MBOAT1: variants seen among roughly 807,000 people sequenced by gnomAD.
MBOAT1 encodes the protein membrane bound glycerophospholipid O-acyltransferase 1.
In MBOAT1, 67 loss-of-function variants were observed where a neutral mutation model predicts 64.4. That is an observed-to-expected ratio of 1.04 (90% CI 0.85 to 1.27). The LOEUF (loss-of-function observed/expected upper bound fraction) is 1.27. MBOAT1 is among the 50% of genes most tolerant of loss of function. The probability of loss-of-function intolerance (pLI) is 0.00; values close to 1 mark genes in which losing one functional copy is unlikely to be tolerated. For missense variants in MBOAT1, 563 were observed against 604.6 expected, an observed-to-expected ratio of 0.93 and a Z score of 0.72; for synonymous variants, 229 against 218.9, an observed-to-expected ratio of 1.05 and a Z score of -0.41.
intron 1 of MBOAT1, among the ~76,000 whole-genome samples, chr6:20,170,366 A>T (rs1276060515): frequency 6.6e-6 from 1 of 152,112 alleles, no homozygotes; most frequent in Admixed American, 6.5e-5. Flanking sequence ...CTCTGTCCTT[A>T]ACAGTTCATC....
intron 8 of MBOAT1, among the ~76,000 whole-genome samples, chr6:20,122,697 TG>T (rs1760528201): frequency 6.6e-6 from 1 of 152,248 alleles, no homozygotes; most frequent in South Asian, 2.1e-4. Context: ...AGTTTCTGTT[TG>T]GGTGATGAAA....
At chr6:20,168,757 G>C (rs951455810) in intron 1 of MBOAT1, among the ~76,000 whole-genome samples, 2 of 112,076 alleles carry the variant, frequency 1.8e-5, no homozygotes, top group African/African-American at 6.8e-5. Context: ...GAGGAAGGAA[G>C]GGAGGGAGGG....
At chr6:20,185,124 C>A (rs1024333089) in intron 1 of MBOAT1, among the ~76,000 whole-genome samples, 1 of 151,988 alleles carries the variant, frequency 6.6e-6, no homozygotes, top group African/African-American at 2.4e-5. Flanking sequence ...GTGACACATG[C>A]CTCAAGTATC....
chr6:20,190,112 A>G (rs1762763929), intron 1 of MBOAT1, among the ~76,000 whole-genome samples: 1 of 151,934 alleles, frequency 6.6e-6, no homozygotes, highest in Admixed American at 6.6e-5. Flanking sequence ...CTCCTGCCTC[A>G]GCCTCCCAAG....
In MBOAT1 at chr6:20,115,337, T is replaced by G. The variant is rs1414655764; in HGVS notation, c.1027A>C (p.Lys343Gln). 1.9e-6 allele frequency: 3 copies of G among 1,613,980 alleles called. No homozygotes were observed. The highest frequency in any genetic ancestry group is 1.7e-4 in the Middle Eastern group (1 of 6,060). The part of the protein sequence containing the change: ...IWKIETATSF[K>Q]MYLENWNIQT... Reference sequence around the variant, plus strand: ...ATATTCCAGTTTTCCAAGTACATTTTGAAACTTGTGGCAGTCTGGAAAGAA... The same window carrying G: ...ATATTCCAGTTTTCCAAGTACATTTGGAAACTTGTGGCAGTCTGGAAAGAA... The change falls in exon 10 of 13, where the codon AAA (lysine) becomes CAA (glutamine). Residue 343 changes from lysine (K) to glutamine (Q), a missense_variant. Lys to Gln is a moderately conservative substitution (Grantham distance 53). Transcript: ENST00000324607.
intron 1 of MBOAT1, among the ~76,000 whole-genome samples, chr6:20,173,825 C>A (rs894908024): frequency 6.6e-6 from 1 of 152,170 alleles, no homozygotes; most frequent in Non-Finnish European, 1.5e-5. Flanking sequence ...GTGGCAGGTG[C>A]CTGCAATCCC....
chr6:20,130,508 C>T (rs1466689667), intron 5 of MBOAT1, among the ~76,000 whole-genome samples: 1 of 152,042 alleles, frequency 6.6e-6, no homozygotes, highest in Non-Finnish European at 1.5e-5. Context: ...CATGTGCCAC[C>T]ACGCCTAGCT....
intron 1 of MBOAT1, among the ~76,000 whole-genome samples, chr6:20,206,498 A>G (rs1763270228): frequency 6.6e-6 from 1 of 151,850 alleles, no homozygotes; most frequent in Non-Finnish European, 1.5e-5. Context: ...TCCTTCCACT[A>G]TCCTCATAGG....
rs748170285 is a variant in MBOAT1, at chr6:20,102,311, G to C, written c.1463C>G (p.Ser488Cys). 3.7e-6 allele frequency: 6 copies of C among 1,613,888 alleles called. No individual in the cohort carries two copies. The highest frequency in any genetic ancestry group is 5.1e-6 in the Non-Finnish European group (6 of 1,179,914). The stretch of plus-strand genomic sequence containing the variant: ...TCAATCTGTTTTTCTCTTATTAATA[G>C]AGTTCAGAGTCTGAGGCCGCCTTTG... ...HTQRRPQTLN[S>C]INKRKTD The change falls in exon 13 of 13, where the codon TCT becomes TGT. Residue 488 changes from serine to cysteine, a missense_variant. Ser to Cys is a moderately radical substitution (Grantham distance 112). Transcript: ENST00000324607.
rs371519234 is a variant in MBOAT1 at position 20,128,660 on chromosome 6, T to A, written c.530+39A>T. Reference sequence around the variant, plus strand: ...TGAGGAAAATCTCTAGATACTGATATGCAAAGGGCTTGTTAATATATCGTT... The same window carrying A: ...TGAGGAAAATCTCTAGATACTGATAAGCAAAGGGCTTGTTAATATATCGTT... On this transcript the variant is annotated intron_variant, in intron 6 of 12. Transcript: ENST00000324607. 5.3e-6 allele frequency: 8 copies of A among 1,502,754 alleles called. No individual in the cohort carries two copies. The South Asian group carries it at 9.8e-5, about 18-fold the overall frequency. 93.1% of individuals were successfully genotyped at this position (1,502,754 alleles called of 1,614,324 possible). A position where few individuals can be genotyped will look rare whatever the true frequency, so the allele number is the denominator to read the frequency against.
intron 1 of MBOAT1, among the ~76,000 whole-genome samples, chr6:20,189,708 T>G (rs527243126): frequency 2.0e-5 from 3 of 152,220 alleles, no homozygotes; most frequent in Non-Finnish European, 4.4e-5. Flanking sequence ...CCCTAGCTCC[T>G]GGTAACCATC....
At chr6:20,192,766 A>T (rs765148810) in intron 1 of MBOAT1, among the ~76,000 whole-genome samples, 5 of 152,094 alleles carry the variant, frequency 3.3e-5, no homozygotes, top group Non-Finnish European at 7.4e-5. Context: ...CATTTTGCAG[A>T]TAAGGAATCA....
At chr6:20,106,246 A>G (rs1329178004) in intron 12 of MBOAT1, among the ~76,000 whole-genome samples, 1 of 152,236 alleles carries the variant, frequency 6.6e-6, no homozygotes, top group Non-Finnish European at 1.5e-5. Context: ...GGTGTAATCA[A>G]TCTGGAATAG....
chr6:20,174,326 C>T (rs1456972848), intron 1 of MBOAT1, among the ~76,000 whole-genome samples: 1 of 152,322 alleles, frequency 6.6e-6, no homozygotes, highest in Admixed American at 6.5e-5. Flanking sequence ...CTTAAATCAA[C>T]CTAGATGGTG....
intron 12 of MBOAT1, among the ~76,000 whole-genome samples, chr6:20,103,311 CA>C (rs1759854708): frequency 6.6e-6 from 1 of 151,702 alleles, no homozygotes; most frequent in South Asian, 2.1e-4. Flanking sequence ...TAATTTTTAA[CA>C]AAAAAGGTTT....
intron 5 of MBOAT1, among the ~76,000 whole-genome samples, chr6:20,130,574 C>T (rs994087835): frequency 1.3e-5 from 2 of 151,996 alleles, no homozygotes; most frequent in African/African-American, 4.8e-5. Flanking sequence ...AGGCTGATCT[C>T]GAACTACTGA....
At chr6:20,150,562 C>CT (rs537125848) in intron 3 of MBOAT1, among the ~76,000 whole-genome samples, 2,926 of 134,800 alleles carry the variant, frequency 0.022, 48 homozygotes, top group African/African-American at 0.047. Flanking sequence ...TTTCTTTTTC[C>CT]TTTTTTTTTT....
intron 1 of MBOAT1, among the ~76,000 whole-genome samples, chr6:20,164,174 T>TACACACACAC (rs35199956): frequency 6.8e-6 from 1 of 147,554 alleles, no homozygotes; most frequent in African/African-American, 2.5e-5. Flanking sequence ...TATGTGCATG[T>TACACACACAC]ACACACACAC....
chr6:20,193,959 A>C (rs1762880317), intron 1 of MBOAT1, among the ~76,000 whole-genome samples: 1 of 152,190 alleles, frequency 6.6e-6, no homozygotes. Context: ...GATTTGAATA[A>C]AGCTAAATTT....
Sources: allele counts gnomAD v4.1 joint callset (sites outside exome capture counted in the v4.1 genomes callset), GRCh38; gene constraint gnomAD v4.1.1; transcripts MANE v1.5; gene names NCBI Gene and HGNC (gene_info 2026-07-23, HGNC 2026-07-21).